ATP8A2: variants seen among roughly 807,000 people sequenced by gnomAD.
ATP8A2 encodes the protein phospholipid-transporting ATPase IB.
A neutral mutation model predicts 165.6 loss-of-function variants in ATP8A2; 100 were observed. That is an observed-to-expected ratio of 0.60 (90% CI 0.51 to 0.71). The LOEUF is 0.71. Ranked by LOEUF, ATP8A2 falls within the 30% of genes least tolerant of loss-of-function variation. The probability of loss-of-function intolerance (pLI) is 0.00; values close to 1 mark genes in which losing one functional copy is unlikely to be tolerated. For missense variants in ATP8A2, 1,227 were observed against 1,479.5 expected (o/e 0.83, Z 2.80); for synonymous variants, 543 against 548.8 (o/e 0.99, Z 0.15).
intron 33 of ATP8A2, among the ~76,000 whole-genome samples, chr13:25,947,224 C>T (rs966141086): frequency 6.6e-6 from 1 of 152,132 alleles, no homozygotes. Context: ...ATTCTGAATG[C>T]CCAAAAGAGT....
At position 25,577,057 on chromosome 13, in the gene ATP8A2, T is replaced by C. The variant is rs1400682934; in HGVS notation, c.1713-12T>C. The stretch of plus-strand genomic sequence containing the variant: ...CAGACCAATGATGACTTTTTTTTTT[T>C]CACTCTCCCAGTGACAGAAAAAGAA... On this transcript the variant is annotated splice_polypyrimidine_tract_variant and intron_variant, in intron 19 of 36. Coordinates refer to ENST00000381655, the MANE Select transcript of ATP8A2 (RefSeq NM_016529.6). 6.2e-7 allele frequency: 1 copy of C among 1,611,526 alleles called. No individual in the cohort carries two copies. The highest frequency in any genetic ancestry group is 1.3e-5 in the African/African-American group (1 of 74,896).
At chr13:25,689,974 G>T (rs2042688035) in intron 24 of ATP8A2, among the ~76,000 whole-genome samples, 1 of 152,272 alleles carries the variant, frequency 6.6e-6, no homozygotes, top group African/African-American at 2.4e-5. Context: ...CATTATTTTT[G>T]AGAGATTTAA....
At chr13:25,898,323 G>C (rs926170734) in intron 33 of ATP8A2, among the ~76,000 whole-genome samples, 1 of 152,158 alleles carries the variant, frequency 6.6e-6, no homozygotes, top group Non-Finnish European at 1.5e-5. Context: ...TATCAGCAGC[G>C]GTGGCTGCAG....
chr13:25,554,639 A>G (rs2038926056), intron 12 of ATP8A2, among the ~76,000 whole-genome samples: 1 of 151,524 alleles, frequency 6.6e-6, no homozygotes, highest in Non-Finnish European at 1.5e-5. Flanking sequence ...GCTCACTGCA[A>G]CTTCCATCTC....
rs1299286803 is a variant in ATP8A2, at chr13:25,644,489, G to T, written c.2212-54684G>T. On this transcript the variant is annotated intron_variant, in intron 24 of 36. Transcript: ENST00000381655. ...TGTATTATTGAGGATTTTTGCATCT[G>T]TGTTCATCAAGGATATTGGCTTGCA... Among the ~76,000 whole-genome samples, 5 of 148,848 alleles carry T rather than the reference G, an allele frequency of 3.4e-5. No individual in the cohort carries two copies. In the Admixed American group the frequency reaches 3.4e-4, roughly 10 times the overall value.
At chr13:25,806,469 T>C (rs920637365) in intron 27 of ATP8A2, among the ~76,000 whole-genome samples, 26 of 152,036 alleles carry the variant, frequency 1.7e-4, no homozygotes, top group African/African-American at 6.3e-4. Flanking sequence ...AAGCCAACAT[T>C]ACCAGGAATG....
At chr13:25,800,666 C>T (rs879930053) in intron 27 of ATP8A2, among the ~76,000 whole-genome samples, 5 of 152,120 alleles carry the variant, frequency 3.3e-5, no homozygotes, top group African/African-American at 4.8e-5. Context: ...GTACATATGT[C>T]TCCATGCTAA....
intron 33 of ATP8A2, among the ~76,000 whole-genome samples, chr13:25,941,882 C>T (rs1053133304): frequency 2.0e-5 from 3 of 152,194 alleles, no homozygotes; most frequent in African/African-American, 7.2e-5. Flanking sequence ...AAAATGCTGA[C>T]CACATTATAT....
At chr13:25,414,236 G>C (rs1196841572) in intron 1 of ATP8A2, among the ~76,000 whole-genome samples, 1 of 148,618 alleles carries the variant, frequency 6.7e-6, no homozygotes, top group African/African-American at 2.5e-5. Flanking sequence ...TGTCGCCCAG[G>C]CTGGAGTGCA....
chr13:25,417,277 C>T (rs2034159151), intron 1 of ATP8A2, among the ~76,000 whole-genome samples: 1 of 152,024 alleles, frequency 6.6e-6, no homozygotes, highest in African/African-American at 2.4e-5. Context: ...TGAGTCCCCA[C>T]CTTCTACAAA....
At chr13:25,676,440 G>A (rs9511871) in intron 24 of ATP8A2, among the ~76,000 whole-genome samples, 51,522 of 151,824 alleles carry the variant, frequency 0.34, 9,026 homozygotes, top group South Asian at 0.49. Context: ...GTCATCTCAG[G>A]GGTCTGCAGA....
At chr13:25,405,406 G>A (rs1016463043) in intron 1 of ATP8A2, among the ~76,000 whole-genome samples, 1 of 152,192 alleles carries the variant, frequency 6.6e-6, no homozygotes, top group Admixed American at 6.5e-5. Context: ...CAGACATTTA[G>A]CATTAAAGCC....
At chr13:25,921,141 G>A (rs149105086) in intron 33 of ATP8A2, among the ~76,000 whole-genome samples, 3 of 152,284 alleles carry the variant, frequency 2.0e-5, no homozygotes, top group Non-Finnish European at 4.4e-5. Flanking sequence ...AGCCTGAGAA[G>A]CCATACAGTC....
chr13:25,847,054 C>T (rs1236358078), intron 30 of ATP8A2, among the ~76,000 whole-genome samples: 1 of 152,154 alleles, frequency 6.6e-6, no homozygotes, highest in Admixed American at 6.5e-5. Context: ...GCATTAAATG[C>T]TAAATGGGAG....
At chr13:25,729,307 C>G (rs1195423486) in intron 25 of ATP8A2, among the ~76,000 whole-genome samples, 1 of 152,310 alleles carries the variant, frequency 6.6e-6, no homozygotes, top group African/African-American at 2.4e-5. Context: ...TGTATCTCAG[C>G]CTCCCTGTCC....
chr13:25,560,621 AC>A (rs2039114706), intron 15 of ATP8A2, among the ~76,000 whole-genome samples: 1 of 144,014 alleles, frequency 6.9e-6, no homozygotes, highest in South Asian at 2.4e-4. Context: ...AATCAGTTGA[AC>A]CCAGGGGGCA....
intron 33 of ATP8A2, among the ~76,000 whole-genome samples, chr13:25,889,325 A>G (rs1953280150): frequency 6.7e-6 from 1 of 149,938 alleles, no homozygotes. Context: ...CCTTGTATTG[A>G]AAGGATTGAA....
chr13:25,512,295 C>T (rs1255329145), intron 2 of ATP8A2, among the ~76,000 whole-genome samples: 17 of 152,168 alleles, frequency 1.1e-4, no homozygotes, highest in African/African-American at 2.9e-4. Flanking sequence ...TACACAGACA[C>T]GGCAACCATC....
chr13:25,560,350 T>A (rs1353750596), intron 15 of ATP8A2, among the ~76,000 whole-genome samples: 1 of 152,122 alleles, frequency 6.6e-6, no homozygotes, highest in Non-Finnish European at 1.5e-5. Context: ...GTGCTTTTGC[T>A]TTTTAAAAAA....
Sources: gnomAD v4.1 joint callset for allele counts (sites outside exome capture counted in the v4.1 genomes callset) on GRCh38, gnomAD v4.1.1 for gene constraint, MANE v1.5 for transcripts, NCBI Gene and HGNC (gene_info 2026-07-23, HGNC 2026-07-21) for gene names.